Variants in SYCP2L observed in about 807,000 individuals in gnomAD.
The protein encoded by SYCP2L is synaptonemal complex protein 2 like, also known as synaptonemal complex protein 2-like.
SYCP2L carries 98 observed loss-of-function variants against 125.8 expected under a neutral mutation model. That is an observed-to-expected ratio of 0.78 (90% CI 0.66 to 0.92). The LOEUF is 0.92. Among genes scored for constraint, SYCP2L ranks in the 40% least tolerant of loss-of-function variants. SYCP2L has a pLI of 0.00. For missense variants in SYCP2L, 842 were observed against 936.4 expected (o/e 0.90, Z 1.32); for synonymous variants, 317 against 325.4 (o/e 0.97, Z 0.28).
intron 10 of SYCP2L, among the ~76,000 whole-genome samples, chr6:10,907,892 G>GTTTTTTTTTTTGTTTTT (rs1554105094): frequency 2.2e-5 from 2 of 91,922 alleles, no homozygotes; most frequent in African/African-American, 8.3e-5. Flanking sequence ...ATACAGATAG[G>GTTTTTTTTTTTGTTTTT]TTTTTTTTTT....
At chr6:10,948,716 C>A (rs1426753236) in intron 23 of SYCP2L, among the ~76,000 whole-genome samples, 2 of 152,244 alleles carry the variant, frequency 1.3e-5, no homozygotes, top group Middle Eastern at 3.4e-3. Context: ...CAGTGTCACA[C>A]TAGCCTGTGG....
At chr6:10,890,822 G>A (rs1055938633) in intron 1 of SYCP2L, among the ~76,000 whole-genome samples, 25 of 152,100 alleles carry the variant, frequency 1.6e-4, no homozygotes, top group Admixed American at 3.9e-4. Context: ...GATCTTAAGT[G>A]TAAGCTTTTA....
chr6:10,888,242 G>A (rs1200322589), intron 1 of SYCP2L, among the ~76,000 whole-genome samples: 2 of 151,430 alleles, frequency 1.3e-5, no homozygotes, highest in Non-Finnish European at 2.9e-5. Flanking sequence ...GACTACAGGC[G>A]CGCGCCACCA....
rs34659978 is a variant in SYCP2L, at chr6:10,905,142, CAAAAAAAA to C, written c.642-861_642-854del. On this transcript the variant is annotated intron_variant, in intron 8 of 29. Coordinates refer to ENST00000283141, the MANE Select transcript of SYCP2L (RefSeq NM_001040274.3). ...TGGGTGACAGAGCCAGACTTGGTCT[CAAAAAAAA>C]AAAAAAAAAAAAAAAAGAAGAAGAT... Among the ~76,000 whole-genome samples, 166 of 54,670 alleles carry C rather than the reference CAAAAAAAA, an allele frequency of 3.0e-3. 2 individuals are homozygous for C. Among genetic ancestry groups the C allele is most frequent in the South Asian group, 0.027 (27 of 1,012 alleles). The allele number at this position is 54,670 out of a possible 152,430, so 35.9% of individuals were successfully genotyped here. A position where few individuals can be genotyped will look rare whatever the true frequency, so the allele number is the denominator to read the frequency against.
chr6:10,900,853 C>T (rs1036003295), intron 6 of SYCP2L, among the ~76,000 whole-genome samples: 6 of 152,308 alleles, frequency 3.9e-5, no homozygotes, highest in East Asian at 1.9e-4. Flanking sequence ...GTCACCTTAG[C>T]GGGGCTGGCC....
intron 23 of SYCP2L, among the ~76,000 whole-genome samples, chr6:10,949,721 C>CTTTTTT (rs33952119): frequency 3.3e-5 from 4 of 121,516 alleles, no homozygotes; most frequent in South Asian, 2.9e-4. Flanking sequence ...CCTGATACAT[C>CTTTTTT]TTTTTTTTTT....
At chr6:10,941,029 C>T (rs567531414) in intron 21 of SYCP2L, among the ~76,000 whole-genome samples, 46 of 152,146 alleles carry the variant, frequency 3.0e-4, no homozygotes, top group African/African-American at 1.1e-3. Context: ...TTTGACAAAC[C>T]TGACAAAAAC....
chr6:10,905,534 TGCCCGTCTCG>T (rs1327812823), intron 8 of SYCP2L, among the ~76,000 whole-genome samples: 2 of 152,176 alleles, frequency 1.3e-5, no homozygotes, highest in Admixed American at 6.5e-5. Context: ...TCAGGTGATC[TGCCCGTCTCG>T]GCCTCCCAAA....
intron 21 of SYCP2L, among the ~76,000 whole-genome samples, chr6:10,940,128 A>G (rs897257926): frequency 6.6e-6 from 1 of 152,254 alleles, no homozygotes. Flanking sequence ...AATCAAAACC[A>G]TAATGTGATA....
intron 14 of SYCP2L, among the ~76,000 whole-genome samples, chr6:10,918,509 G>A (rs1311394768): frequency 2.0e-5 from 3 of 151,408 alleles, no homozygotes; most frequent in Non-Finnish European, 2.9e-5. Context: ...GGGTGAATTC[G>A]AAGACCTTGT....
At chr6:10,959,896 A>AG (rs1781569692) in intron 26 of SYCP2L, among the ~76,000 whole-genome samples, 1 of 151,862 alleles carries the variant, frequency 6.6e-6, no homozygotes, top group Non-Finnish European at 1.5e-5. Flanking sequence ...AAAGAAAGAA[A>AG]AGAAAACACC....
intron 29 of SYCP2L, among the ~76,000 whole-genome samples, chr6:10,969,779 C>T (rs1316961984): frequency 6.6e-6 from 1 of 152,108 alleles, no homozygotes; most frequent in Non-Finnish European, 1.5e-5. Flanking sequence ...CAGCTAAATA[C>T]AGTCATATGA....
intron 10 of SYCP2L, 43 bp downstream of exon 10, chr6:10,907,727 A>T (rs1456701949): frequency 6.3e-7 from 1 of 1,599,848 alleles, no homozygotes; most frequent in Non-Finnish European, 8.5e-7. Flanking sequence ...GCCAATATTT[A>T]TTAAGCATCC....
chr6:10,898,842 A>G lies in SYCP2L; in HGVS notation c.460A>G (p.Ser154Gly). 1 of 1,389,748 alleles carries G rather than the reference A, an allele frequency of 7.2e-7. No individual in the cohort carries two copies. The highest frequency in any genetic ancestry group is 1.0e-6 in the Non-Finnish European group (1 of 981,942). 86.1% of individuals were successfully genotyped at this position (1,389,748 alleles called of 1,614,324 possible). The change falls in exon 6 of 30, where the codon AGT becomes GGT. Residue 154 changes from serine to glycine, a missense_variant. By Grantham distance (56) the Ser-to-Gly change is moderately conservative. Coordinates refer to ENST00000283141, the MANE Select transcript of SYCP2L (RefSeq NM_001040274.3). Reference protein sequence around the residue: ...DTALIISRSSSEGKIQMLDSF... With the variant: ...DTALIISRSSGEGKIQMLDSF... ...TTGTTAGATTATTTCCAGGAGTAGT[A>G]GTGAAGGTAAGTATATTATTGGCTA...
intron 21 of SYCP2L, among the ~76,000 whole-genome samples, chr6:10,939,129 AAG>A (rs1781167228): frequency 6.6e-6 from 1 of 152,166 alleles, no homozygotes; most frequent in African/African-American, 2.4e-5. Context: ...CAAAAAAAAA[AAG>A]AAAATTTCAT....
intron 14 of SYCP2L, among the ~76,000 whole-genome samples, chr6:10,917,512 C>A (rs1366292673): frequency 6.6e-6 from 1 of 152,132 alleles, no homozygotes; most frequent in South Asian, 2.1e-4. Flanking sequence ...TTTTTCCACG[C>A]CTTTACCTTA....
chr6:10,956,659 C>CACT (rs1229587401), intron 25 of SYCP2L, among the ~76,000 whole-genome samples: 4 of 152,112 alleles, frequency 2.6e-5, no homozygotes, highest in African/African-American at 9.7e-5. Context: ...GATGAGGTCT[C>CACT]ACTATGTTGC....
intron 8 of SYCP2L, among the ~76,000 whole-genome samples, chr6:10,904,933 G>A (rs1780457957): frequency 6.6e-6 from 1 of 151,958 alleles, no homozygotes; most frequent in Admixed American, 6.6e-5. Context: ...CTTGAGGTCA[G>A]GAGTTCGAGA....
chr6:10,887,569 T>C lies in SYCP2L; in HGVS notation c.9+434T>C, dbSNP rs544499106. Among the ~76,000 whole-genome samples the C allele has an allele frequency of 3.3e-5, 5 of 151,910 alleles. No homozygotes were observed. The East Asian group carries it at 9.7e-4, about 29-fold the overall frequency. On this transcript the variant is annotated intron_variant, in intron 1 of 29. Coordinates refer to ENST00000283141, the MANE Select transcript of SYCP2L (RefSeq NM_001040274.3). ...AAGATAAAGCTACAATTATTACTTA[T>C]CAATAAATAATAAAAAAAAACACAT...
Sources: gnomAD v4.1 joint callset for allele counts (sites outside exome capture counted in the v4.1 genomes callset) on GRCh38, gnomAD v4.1.1 for gene constraint, MANE v1.5 for transcripts, NCBI Gene and HGNC (gene_info 2026-07-23, HGNC 2026-07-21) for gene names.